Variants in NPTN observed in about 807,000 individuals in gnomAD.
NPTN encodes the protein SDR-1.
A neutral mutation model predicts 42.7 loss-of-function variants in NPTN; 5 were observed. The observed-to-expected ratio is 0.12, with a 90% CI of 0.06 to 0.25. The LOEUF (loss-of-function observed/expected upper bound fraction) is 0.25, where lower values mean the gene tolerates loss of function less well. Ranked by LOEUF, NPTN falls within the 10% of genes least tolerant of loss-of-function variation. NPTN has a pLI of 1.00. For synonymous variants in NPTN, 180 were observed against 201.9 expected, an observed-to-expected ratio of 0.89 and a Z score of 0.92; for missense variants, 307 against 525.4, an observed-to-expected ratio of 0.58 and a Z score of 4.06.
At chr15:73,563,094 G>A in intron 7 of NPTN, 142 bp downstream of exon 7, 2 of 655,704 alleles carry the variant, frequency 3.1e-6, no homozygotes. Flanking sequence ...TCAGATCTGT[G>A]TCAAGCTAAG....
intron 1 of NPTN, among the ~76,000 whole-genome samples, chr15:73,599,192 G>GAGCCCCCA (rs147501291): frequency 0.02 from 3,025 of 152,046 alleles, 103 homozygotes; most frequent in African/African-American, 0.07. Context: ...TTACAGAAAG[G>GAGCCCCCA]AGCCCCCAAG....
At position 73,566,199 on chromosome 15, in the gene NPTN, GTCAT is replaced by G. The variant is rs1345197013; in HGVS notation, c.1115-2946_1115-2943del. Among the ~76,000 whole-genome samples the G allele has an allele frequency of 2.0e-5, 3 of 152,308 alleles. No homozygotes were observed. The East Asian group carries it at 5.8e-4, about 29-fold the overall frequency. On this transcript the variant is annotated intron_variant, in intron 6 of 8. Coordinates refer to ENST00000345330, the MANE Select transcript of NPTN (RefSeq NM_012428.4). ...CAGACACCGAATGCATGTTTTAGGT[GTCAT>G]TTTAAAAGTCACATTTCTTTTCCAA...
chr15:73,610,262 G>C (rs960559594), intron 1 of NPTN, among the ~76,000 whole-genome samples: 1 of 151,792 alleles, frequency 6.6e-6, no homozygotes, highest in African/African-American at 2.4e-5. Context: ...AAGTTTTTTA[G>C]TTTTTTGTAG....
intron 1 of NPTN, among the ~76,000 whole-genome samples, chr15:73,625,011 A>T (rs1484440519): frequency 6.6e-6 from 1 of 152,252 alleles, no homozygotes; most frequent in Non-Finnish European, 1.5e-5. Context: ...AATGACTAAT[A>T]ACAGTATATG....
At chr15:73,583,208 C>T (rs1188113013) in intron 4 of NPTN, among the ~76,000 whole-genome samples, 1 of 152,222 alleles carries the variant, frequency 6.6e-6, no homozygotes, top group Non-Finnish European at 1.5e-5. Flanking sequence ...AGTGACTGGT[C>T]AGAGTCACTG....
chr15:73,619,062 CAAAAAAAA>C (rs61683372), intron 1 of NPTN, among the ~76,000 whole-genome samples: 2 of 61,166 alleles, frequency 3.3e-5, no homozygotes, highest in Non-Finnish European at 3.7e-5. Context: ...GACCCTGTCT[CAAAAAAAA>C]AAAAAAAAAA....
At chr15:73,624,051 C>A (rs1898273070) in intron 1 of NPTN, among the ~76,000 whole-genome samples, 1 of 152,200 alleles carries the variant, frequency 6.6e-6, no homozygotes, top group East Asian at 1.9e-4. Flanking sequence ...TAGATAATCA[C>A]ATCCCCCTAG....
At chr15:73,579,168 A>C (rs1054893113) in intron 4 of NPTN, among the ~76,000 whole-genome samples, 12 of 151,220 alleles carry the variant, frequency 7.9e-5, no homozygotes, top group African/African-American at 2.9e-4. Context: ...TGTCCCAGCT[A>C]CTCGGGAGGC....
intron 1 of NPTN, among the ~76,000 whole-genome samples, chr15:73,619,706 T>C (rs901930477): frequency 3.3e-5 from 5 of 152,200 alleles, no homozygotes; most frequent in African/African-American, 1.2e-4. Flanking sequence ...ACCAAAAAAG[T>C]TCATTGTAAT....
At chr15:73,571,364 A>C (rs1474492908) in intron 5 of NPTN, among the ~76,000 whole-genome samples, 1 of 152,218 alleles carries the variant, frequency 6.6e-6, no homozygotes, top group East Asian at 1.9e-4. Flanking sequence ...TGAGATAGGG[A>C]GAAGACAGAC....
At chr15:73,563,195 C>G in intron 7 of NPTN, 41 bp downstream of exon 7, 1 of 1,338,484 alleles carries the variant, frequency 7.5e-7, no homozygotes, top group Non-Finnish European at 1.1e-6. Context: ...CAACATCATT[C>G]AATCAGATAC....
At position 73,597,044 on chromosome 15, in the gene NPTN, C is replaced by T; in HGVS notation, c.417G>A (p.Gln139=). The change falls in exon 2 of 9, where the codon CAG becomes CAA. Residue 139 remains glutamine, a synonymous_variant. Coordinates refer to ENST00000345330, the MANE Select transcript of NPTN (RefSeq NM_012428.4). This position sits in a 1 kb window ranked among gnomAD's most constrained non-coding sequence, Gnocchi z 6.3. The part of the protein sequence containing the change: ...QNPSITWIRA[Q]ATISVLQKPR... ...CACTCTGAAGGACGCTTATGGTGGC[C>T]TGGGCTCGAATCCATGTTATGGAGG... 1.9e-6 allele frequency: 3 copies of T among 1,613,946 alleles called. No homozygotes were observed. Among genetic ancestry groups the T allele is most frequent in the Non-Finnish European group, 1.7e-6 (2 of 1,179,950 alleles).
At chr15:73,579,958 A>G (rs1360084684) in intron 4 of NPTN, among the ~76,000 whole-genome samples, 1 of 152,200 alleles carries the variant, frequency 6.6e-6, no homozygotes, top group Non-Finnish European at 1.5e-5. Context: ...TGAGGTGGTA[A>G]GTGCTTAGCA....
intron 1 of NPTN, among the ~76,000 whole-genome samples, chr15:73,615,491 A>C (rs1444683912): frequency 1.3e-5 from 2 of 152,134 alleles, no homozygotes; most frequent in African/African-American, 2.4e-5. Context: ...CAATCACTAC[A>C]CTATACTGCC....
intron 3 of NPTN, among the ~76,000 whole-genome samples, chr15:73,590,493 G>A (rs1338173429): frequency 6.6e-6 from 1 of 152,118 alleles, no homozygotes; most frequent in Non-Finnish European, 1.5e-5. Context: ...TGGACACAGT[G>A]GCTCACGCCT....
chr15:73,602,886 T>G (rs960164485), intron 1 of NPTN, among the ~76,000 whole-genome samples: 3 of 152,236 alleles, frequency 2.0e-5, no homozygotes, highest in Non-Finnish European at 4.4e-5. Context: ...AGATCATCCC[T>G]ATCACTAGCT....
intron 1 of NPTN, among the ~76,000 whole-genome samples, chr15:73,608,414 G>T (rs985329951): frequency 6.6e-6 from 1 of 152,190 alleles, no homozygotes; most frequent in Admixed American, 6.5e-5. Context: ...TCAGTTGCGG[G>T]GAGAGATGGT....
chr15:73,563,440 G>T, intron 6 of NPTN, 183 bp from the exon 7 acceptor site: 1 of 1,393,244 alleles, frequency 7.2e-7, no homozygotes. Context: ...ATTATTTCTA[G>T]ATTCAAGTTT....
rs531323147 is a variant in NPTN, at chr15:73,563,173, A to G, written c.1136+63T>C. ...CCAATCTTAGCTACTCCATTTGATT[A>G]AACTGCAAACACAACATCATTCAAT... On this transcript the variant is annotated intron_variant, in intron 7 of 8. Coordinates refer to ENST00000345330, the MANE Select transcript of NPTN (RefSeq NM_012428.4). 4 of 1,187,532 alleles carry G rather than the reference A, an allele frequency of 3.4e-6. No individual in the cohort carries two copies. The Admixed American group carries it at 6.8e-5, about 20-fold the overall frequency. 73.6% of individuals were successfully genotyped at this position (1,187,532 alleles called of 1,614,324 possible).
Sources: allele counts gnomAD v4.1 joint callset (sites outside exome capture counted in the v4.1 genomes callset), GRCh38; gene constraint gnomAD v4.1.1; non-coding constraint Gnocchi (gnomAD v3.1); transcripts MANE v1.5; gene names NCBI Gene and HGNC (gene_info 2026-07-23, HGNC 2026-07-21).